The following UNC13C variants were observed in gnomAD, a reference collection of about 807,000 sequenced individuals.
UNC13C encodes unc-13 homolog C.
UNC13C carries 174 observed loss-of-function variants against 245.4 expected under a neutral mutation model. The observed-to-expected ratio is 0.71, with a 90% confidence interval of 0.63 to 0.80. The LOEUF (loss-of-function observed/expected upper bound fraction) is 0.80, where lower values mean the gene tolerates loss of function less well. Among genes scored for constraint, UNC13C ranks in the 30% least tolerant of loss-of-function variants. The probability of loss-of-function intolerance (pLI) is 0.00; values close to 1 mark genes in which losing one functional copy is unlikely to be tolerated. For synonymous variants in UNC13C, 992 were observed against 895.1 expected (o/e 1.11, Z -1.93); for missense variants, 2,829 against 2,602.9 (o/e 1.09, Z -1.89).
chr15:54,408,164 C>T (rs966173642), intron 18 of UNC13C, among the ~76,000 whole-genome samples: 51 of 128,624 alleles, frequency 4.0e-4, no homozygotes, highest in African/African-American at 1.5e-3. Context: ...GGCGCCACTG[C>T]ACTCCAGCCT....
the UNC13C span, among the ~76,000 whole-genome samples, chr15:53,879,378 G>T: frequency 4.6e-5 from 7 of 152,066 alleles, no homozygotes; most frequent in Non-Finnish European, 1.0e-4. Flanking sequence ...GCCCACGCTG[G>T]TCTGAAACTC....
At chr15:54,499,351 A>C (rs2141096411) in intron 20 of UNC13C, among the ~76,000 whole-genome samples, 1 of 152,254 alleles carries the variant, frequency 6.6e-6, no homozygotes, top group South Asian at 2.1e-4. Context: ...ACCTCCTACC[A>C]GGCCCCACCT....
At chr15:54,188,008 G>C (rs1398748553) in intron 4 of UNC13C, among the ~76,000 whole-genome samples, 1 of 152,016 alleles carries the variant, frequency 6.6e-6, no homozygotes, top group African/African-American at 2.4e-5. Context: ...TGTAGAGATG[G>C]AGTTTCATCA....
intron 4 of UNC13C, among the ~76,000 whole-genome samples, chr15:54,150,633 C>T (rs758746703): frequency 7.9e-5 from 12 of 152,178 alleles, no homozygotes; most frequent in Non-Finnish European, 1.5e-4. Flanking sequence ...CCAGCTCTCT[C>T]TAGTCTCAGG....
chr15:54,219,922 C>T (rs1019751317), intron 4 of UNC13C, among the ~76,000 whole-genome samples: 49 of 151,482 alleles, frequency 3.2e-4, no homozygotes, highest in African/African-American at 1.0e-3. Context: ...GTTAGAATGG[C>T]AATCATTAAA....
At chr15:54,328,782 G>T (rs942474346) in intron 14 of UNC13C, among the ~76,000 whole-genome samples, 2 of 151,870 alleles carry the variant, frequency 1.3e-5, no homozygotes, top group African/African-American at 4.8e-5. Context: ...GTTTTGTAAG[G>T]CCCATAAGCT....
At chr15:54,466,139 T>C (rs957483321) in intron 19 of UNC13C, among the ~76,000 whole-genome samples, 3 of 152,004 alleles carry the variant, frequency 2.0e-5, no homozygotes, top group South Asian at 2.1e-4. Context: ...CTAAAAAGAA[T>C]TGATCTCATG....
intron 30 of UNC13C, among the ~76,000 whole-genome samples, chr15:54,583,402 A>G (rs1898298410): frequency 6.6e-6 from 1 of 152,224 alleles, no homozygotes; most frequent in Non-Finnish European, 1.5e-5. Context: ...AAGCTTAAAA[A>G]GGCCTTTATG....
In UNC13C at chr15:54,264,100, C is replaced by G. The variant is rs368687026; in HGVS notation, c.3449-68C>G. Reference sequence around the variant, plus strand: ...TCATTCTCACTTCCTCCTCCTTTTCCTCCCTCCTTTAGCCATCAAAAAGTA... The same window carrying G: ...TCATTCTCACTTCCTCCTCCTTTTCGTCCCTCCTTTAGCCATCAAAAAGTA... On this transcript the variant is annotated intron_variant, in intron 8 of 32. Coordinates refer to ENST00000260323, the MANE Select transcript of UNC13C (RefSeq NM_001080534.3). 15 of 1,470,500 alleles carry G rather than the reference C, an allele frequency of 1.0e-5. No individual in the cohort carries two copies. In the African/African-American group the frequency reaches 1.3e-4, roughly 12 times the overall value. 91.1% of individuals were successfully genotyped at this position (1,470,500 alleles called of 1,614,324 possible).
the UNC13C span, among the ~76,000 whole-genome samples, chr15:53,868,878 G>C: frequency 6.6e-6 from 1 of 152,154 alleles, no homozygotes; most frequent in Non-Finnish European, 1.5e-5. Context: ...AGCATTTTGG[G>C]AGGCCAAAAT....
chr15:54,008,910 A>C (rs1895258453), intron 1 of UNC13C, among the ~76,000 whole-genome samples: 2 of 152,314 alleles, frequency 1.3e-5, no homozygotes, highest in African/African-American at 2.4e-5. Context: ...ATCTCCTCAT[A>C]TAATAGGCAT....
chr15:54,380,834 G>C (rs957091219), intron 17 of UNC13C, among the ~76,000 whole-genome samples: 1 of 152,040 alleles, frequency 6.6e-6, no homozygotes, highest in Non-Finnish European at 1.5e-5. Context: ...TGAGTTGTTT[G>C]AATGTCTTAC....
chr15:54,455,634 T>A (rs1332254370), intron 19 of UNC13C, among the ~76,000 whole-genome samples: 1 of 151,876 alleles, frequency 6.6e-6, no homozygotes, highest in African/African-American at 2.4e-5. Flanking sequence ...TTTTTTCATG[T>A]TTGTTGGCCA....
chr15:53,856,536 T>C, the UNC13C span, among the ~76,000 whole-genome samples: 1 of 152,218 alleles, frequency 6.6e-6, no homozygotes, highest in Non-Finnish European at 1.5e-5. Context: ...ATTTCTGCCT[T>C]AATTTCATTA....
chr15:54,583,059 A>C (rs1898278264), intron 30 of UNC13C, among the ~76,000 whole-genome samples: 1 of 152,004 alleles, frequency 6.6e-6, no homozygotes, highest in Non-Finnish European at 1.5e-5. Context: ...GGGGTCTGAG[A>C]ATTTGCATTT....
intron 14 of UNC13C, among the ~76,000 whole-genome samples, chr15:54,331,722 A>G (rs1046125949): frequency 6.6e-6 from 1 of 152,130 alleles, no homozygotes; most frequent in Admixed American, 6.6e-5. Flanking sequence ...ATTATTACAC[A>G]TAGAGAAATG....
chr15:54,092,056 T>C (rs1175738052), intron 2 of UNC13C, among the ~76,000 whole-genome samples: 4 of 152,208 alleles, frequency 2.6e-5, no homozygotes, highest in Middle Eastern at 3.2e-3. Flanking sequence ...ATCCCCTCTC[T>C]TAGGAGCAGA....
the UNC13C span, among the ~76,000 whole-genome samples, chr15:53,880,369 C>T: frequency 6.6e-6 from 1 of 152,186 alleles, no homozygotes; most frequent in Non-Finnish European, 1.5e-5. Context: ...ACTTCAATTT[C>T]AAAGAAGTTA....
At chr15:54,250,733 T>TTTTCTTTCTTTC (rs1202618938) in intron 8 of UNC13C, among the ~76,000 whole-genome samples, 7,709 of 86,890 alleles carry the variant, frequency 0.089, 780 homozygotes, top group African/African-American at 0.16. Context: ...CTTTTTTGTC[T>TTTTCTTTCTTTC]TTTCTTTCTT....
Sources: allele counts gnomAD v4.1 joint callset (sites outside exome capture counted in the v4.1 genomes callset), GRCh38; gene constraint gnomAD v4.1.1; transcripts MANE v1.5; gene names NCBI Gene and HGNC (gene_info 2026-07-23, HGNC 2026-07-21).